FAM53B: variants seen among roughly 807,000 people sequenced by gnomAD.
FAM53B encodes protein FAM53B.
In FAM53B, 12 loss-of-function variants were observed where a neutral mutation model predicts 32.7. The observed-to-expected ratio is 0.37, with a 90% CI of 0.24 to 0.59. The LOEUF is 0.59. Ranked by LOEUF, FAM53B falls within the 20% of genes least tolerant of loss-of-function variation. The pLI is 0.72. For missense variants in FAM53B, 477 were observed against 577.7 expected (o/e 0.83, Z 1.79); for synonymous variants, 234 against 228.7 (o/e 1.02, Z -0.21).
At chr10:124,667,556 C>T in intron 4 of FAM53B, 1 of 676,940 alleles carries the variant, frequency 1.5e-6, no homozygotes, top group Non-Finnish European at 2.7e-6. Context: ...CCTCCACATC[C>T]ACAGGGCTGA....
intron 1 of FAM53B, chr10:124,713,568 G>A (rs1223485428): frequency 6.6e-6 from 1 of 152,180 alleles, no homozygotes; most frequent in Non-Finnish European, 1.5e-5. Context: ...GCATGCTAAT[G>A]AATTAATACA....
intron 1 of FAM53B, among the ~76,000 whole-genome samples, chr10:124,720,050 C>T (rs1186013733): frequency 6.6e-6 from 1 of 151,730 alleles, no homozygotes; most frequent in East Asian, 1.9e-4. Context: ...GTAATCCCAG[C>T]TACTTGGGAG....
At chr10:124,642,384 A>C (rs774323687) in intron 4 of FAM53B, among the ~76,000 whole-genome samples, 8 of 152,222 alleles carry the variant, frequency 5.3e-5, no homozygotes, top group Non-Finnish European at 1.2e-4. Context: ...TGACAAAAGC[A>C]AGCCAGTTTC....
intron 4 of FAM53B, among the ~76,000 whole-genome samples, chr10:124,646,582 A>G (rs1949516946): frequency 6.6e-6 from 1 of 152,208 alleles, no homozygotes; most frequent in Non-Finnish European, 1.5e-5. Context: ...GGTTCCCGAT[A>G]GGTGCAGGGC....
chr10:124,681,487 G>A (rs1473882913), intron 4 of FAM53B, 120 bp downstream of exon 4: 1 of 854,968 alleles, frequency 1.2e-6, no homozygotes, highest in Non-Finnish European at 1.8e-6. Flanking sequence ...AAAAAAACAA[G>A]GAAATTAACC....
intron 4 of FAM53B, among the ~76,000 whole-genome samples, chr10:124,629,275 T>C (rs1352599881): frequency 1.3e-5 from 2 of 152,196 alleles, no homozygotes; most frequent in Non-Finnish European, 2.9e-5. Context: ...TCTGGGCCCC[T>C]GCCTGCGCCA....
chr10:124,713,189 C>G lies in FAM53B; in HGVS notation c.-174-6302G>C, dbSNP rs531480501. Among the ~76,000 whole-genome samples the G allele has an allele frequency of 2.0e-5, 3 of 152,358 alleles. No homozygotes were observed. In the South Asian group the frequency reaches 6.2e-4, roughly 32 times the overall value. On this transcript the variant is annotated intron_variant, in intron 1 of 4. Coordinates refer to ENST00000337318, the MANE Select transcript of FAM53B (RefSeq NM_014661.4). ...GGGTCCTTCTCAGCTAATCCTCTCA[C>G]GTTCCTATGAACAGGCATTATGGTT...
At chr10:124,723,960 C>T (rs950511100) in intron 1 of FAM53B, among the ~76,000 whole-genome samples, 1 of 152,238 alleles carries the variant, frequency 6.6e-6, no homozygotes, top group African/African-American at 2.4e-5. Context: ...TATTTCCTCC[C>T]GGTATCAGTC....
intron 4 of FAM53B, among the ~76,000 whole-genome samples, chr10:124,626,456 G>A (rs1949356571): frequency 6.6e-6 from 1 of 150,904 alleles, no homozygotes; most frequent in Non-Finnish European, 1.5e-5. Context: ...GGTCATGTAG[G>A]GGCCTTCACA....
intron 1 of FAM53B, among the ~76,000 whole-genome samples, chr10:124,717,356 G>C (rs973627759): frequency 4.6e-5 from 7 of 152,336 alleles, no homozygotes; most frequent in Non-Finnish European, 7.3e-5. Flanking sequence ...GGCAACTCTG[G>C]AGAGAGCATG....
At chr10:124,652,952 A>G (rs1232246858) in intron 4 of FAM53B, among the ~76,000 whole-genome samples, 1 of 152,144 alleles carries the variant, frequency 6.6e-6, no homozygotes, top group African/African-American at 2.4e-5. Flanking sequence ...CTGTAGACAA[A>G]ATGGCCCTAC....
At chr10:124,667,098 A>C (rs1949677457) in intron 4 of FAM53B, 1 of 402,656 alleles carries the variant, frequency 2.5e-6, no homozygotes, top group East Asian at 5.3e-5. Flanking sequence ...GCAGTCACTG[A>C]ATGATGGAGC....
intron 1 of FAM53B, among the ~76,000 whole-genome samples, chr10:124,719,405 G>C (rs1204354890): frequency 1.3e-5 from 2 of 152,192 alleles, no homozygotes; most frequent in Non-Finnish European, 2.9e-5. Flanking sequence ...CGGCTTTAAA[G>C]CAAACACCTT....
At chr10:124,710,889 C>T (rs1949997063) in intron 1 of FAM53B, among the ~76,000 whole-genome samples, 1 of 152,174 alleles carries the variant, frequency 6.6e-6, no homozygotes, top group South Asian at 2.1e-4. Flanking sequence ...ACTGCACTTC[C>T]CACCATGCCT....
rs767336317 is a variant in FAM53B at position 124,651,526 on chromosome 10, C to T, written c.907-27922G>A. Among the ~76,000 whole-genome samples, 4 of 152,312 alleles carry T rather than the reference C, an allele frequency of 2.6e-5. No individual in the cohort carries two copies. The highest frequency in any genetic ancestry group is 5.9e-5 in the Non-Finnish European group (4 of 68,002). ...TGTAGCAGGGAGCCCAGCCGCTGGA[C>T]GGAATCACAATCCCACACACGGCAC... On this transcript the variant is annotated intron_variant, in intron 4 of 4. Transcript: ENST00000337318. The surrounding 1 kb of genome is among the most constrained non-coding windows in gnomAD (Gnocchi z 5.2).
intron 4 of FAM53B, among the ~76,000 whole-genome samples, chr10:124,647,900 G>T (rs1949529462): frequency 6.6e-6 from 1 of 152,206 alleles, no homozygotes; most frequent in Non-Finnish European, 1.5e-5. Context: ...CCGTGTGCAT[G>T]AAGCAGGTCA....
At chr10:124,702,549 T>C (rs1471318931) in intron 2 of FAM53B, among the ~76,000 whole-genome samples, 1 of 152,212 alleles carries the variant, frequency 6.6e-6, no homozygotes, top group Non-Finnish European at 1.5e-5. Flanking sequence ...ACAGGGCCCA[T>C]GCGAGAAGGT....
At chr10:124,730,610 T>C (rs1241191988) in intron 1 of FAM53B, among the ~76,000 whole-genome samples, 4 of 152,246 alleles carry the variant, frequency 2.6e-5, no homozygotes, top group African/African-American at 9.6e-5. Flanking sequence ...CACAGTCTCG[T>C]GTGCTCCTAC....
chr10:124,660,440 T>C (rs1047876205), intron 4 of FAM53B, among the ~76,000 whole-genome samples: 2 of 152,180 alleles, frequency 1.3e-5, no homozygotes, highest in African/African-American at 2.4e-5. Flanking sequence ...CTGAGATCCG[T>C]TGAATACAAC....
Sources: gnomAD v4.1 joint callset for allele counts (sites outside exome capture counted in the v4.1 genomes callset) on GRCh38, gnomAD v4.1.1 for gene constraint, Gnocchi (gnomAD v3.1) non-coding constraint, MANE v1.5 for transcripts, NCBI Gene and HGNC (gene_info 2026-07-23, HGNC 2026-07-21) for gene names.